Variants in PPFIBP1 observed in about 807,000 individuals in gnomAD.
PPFIBP1 encodes the protein PPFIB scaffold protein 1, also known as liprin-beta-1.
Under a neutral mutation model 137.8 loss-of-function variants are expected in PPFIBP1, and 112 were observed. The ratio of observed to expected loss-of-function variants is 0.81; its 90% CI spans 0.70 to 0.95. The LOEUF is 0.95. Among genes scored for constraint, PPFIBP1 ranks in the 40% least tolerant of loss-of-function variants. The probability of loss-of-function intolerance (pLI) is 0.00; values close to 1 mark genes in which losing one functional copy is unlikely to be tolerated. For synonymous variants in PPFIBP1, 378 were observed against 417.3 expected (o/e 0.91, Z 1.15); for missense variants, 1,083 against 1,196.6 (o/e 0.91, Z 1.40).
intron 1 of PPFIBP1, among the ~76,000 whole-genome samples, chr12:27,531,211 T>C (rs1252395592): frequency 2.0e-5 from 3 of 152,200 alleles, no homozygotes; most frequent in Non-Finnish European, 4.4e-5. Context: ...TTAACCTCTC[T>C]GGGTCTCAGC....
At position 27,634,979 on chromosome 12, in the gene PPFIBP1, G is replaced by T. The variant is rs1287917661; in HGVS notation, c.134G>T (p.Ser45Ile). 1.2e-6 allele frequency: 2 copies of T among 1,614,148 alleles called. No homozygotes were observed. The highest frequency in any genetic ancestry group is 2.2e-5 in the South Asian group (2 of 91,090). The part of the protein sequence containing the change: ...CQSPTSPFMG[S>I]LRALHLVEDL... ...TCTCCCACCTCTCCATTCATGGGAA[G>T]TTTGCGAGCTCTGCACCTTGTGGAA... The change falls in exon 4 of 30, where the codon AGT becomes ATT. Residue 45 changes from serine to isoleucine, a missense_variant. Transcript: ENST00000228425.
intron 1 of PPFIBP1, among the ~76,000 whole-genome samples, chr12:27,528,841 G>T (rs1944079372): frequency 6.6e-6 from 1 of 152,200 alleles, no homozygotes; most frequent in Non-Finnish European, 1.5e-5. Context: ...ACCCACTGGA[G>T]AGTGTCTATT....
chr12:27,537,411 G>A (rs979890679), intron 1 of PPFIBP1, among the ~76,000 whole-genome samples: 18 of 152,148 alleles, frequency 1.2e-4, no homozygotes, highest in Admixed American at 1.1e-3. Flanking sequence ...GATTACAGAC[G>A]TGAGCCACCG....
At chr12:27,653,083 G>T (rs1236700943) in intron 7 of PPFIBP1, among the ~76,000 whole-genome samples, 1 of 27,592 alleles carries the variant, frequency 3.6e-5, no homozygotes, top group Non-Finnish European at 6.9e-5. Flanking sequence ...AAGCCTAAGG[G>T]TTTACTGGGA....
intron 11 of PPFIBP1, among the ~76,000 whole-genome samples, chr12:27,663,777 C>A (rs1054782854): frequency 1.8e-4 from 28 of 151,634 alleles, no homozygotes; most frequent in African/African-American, 6.8e-4. Flanking sequence ...GAGGTTGAGG[C>A]TGCAGTGAGC....
At chr12:27,586,699 GA>G (rs11414615) in intron 2 of PPFIBP1, among the ~76,000 whole-genome samples, 9 of 148,072 alleles carry the variant, frequency 6.1e-5, no homozygotes, top group African/African-American at 1.7e-4. Context: ...TCTGTCTCAA[GA>G]AAAAAAAAAG....
At chr12:27,658,924 T>A in intron 10 of PPFIBP1, 76 bp downstream of exon 10, 2 of 1,423,128 alleles carry the variant, frequency 1.4e-6, no homozygotes, top group Non-Finnish European at 1.9e-6. Context: ...GCATGTGTTT[T>A]AAAACATTTC....
In PPFIBP1 at chr12:27,656,671, G is replaced by A; in HGVS notation, c.752G>A (p.Arg251Lys). 1 of 1,613,048 alleles carries A rather than the reference G, an allele frequency of 6.2e-7. No homozygotes were observed. The highest frequency in any genetic ancestry group is 2.2e-5 in the East Asian group (1 of 44,806). ...QLEEKESEVKRLQEKLVCKMK... is the reference protein window; with the variant it reads ...QLEEKESEVKKLQEKLVCKMK... ...GAAGAAAAGGAATCTGAAGTAAAAAGGCTACAAGAAAAATTGGTTTGCAAG... is the reference window on the plus strand; with the variant it reads ...GAAGAAAAGGAATCTGAAGTAAAAAAGCTACAAGAAAAATTGGTTTGCAAG... The change falls in exon 9 of 30, where the codon AGG becomes AAG. Residue 251 changes from arginine (R) to lysine (K), a missense_variant. By Grantham distance (26) the Arg-to-Lys change is conservative. Coordinates refer to ENST00000228425, the MANE Select transcript of PPFIBP1 (RefSeq NM_003622.4).
chr12:27,657,782 A>G (rs1565954882), intron 9 of PPFIBP1, among the ~76,000 whole-genome samples: 2 of 152,068 alleles, frequency 1.3e-5, no homozygotes, highest in Non-Finnish European at 2.9e-5. Context: ...ACATTCAGAA[A>G]CAGGTCATAC....
chr12:27,660,992 A>C (rs2059509580), intron 11 of PPFIBP1, 47 bp downstream of exon 11: 2 of 1,601,384 alleles, frequency 1.2e-6, no homozygotes, highest in East Asian at 4.5e-5. Flanking sequence ...TTTTAACACC[A>C]TTTTGACCAT....
chr12:27,597,620 G>A lies in PPFIBP1; in HGVS notation c.-36+19381G>A, dbSNP rs1189499944. 5.3e-5 allele frequency among the ~76,000 whole-genome samples: 8 copies of A among 152,118 alleles called. No individual in the cohort carries two copies. In the South Asian group the frequency reaches 8.3e-4, roughly 16 times the overall value. Reference sequence around the variant, plus strand: ...TTCTCCATGCTGCTGGAGTAGAGGCGGAGGAGAAACTATGTTTTGTCATTA... The same window carrying A: ...TTCTCCATGCTGCTGGAGTAGAGGCAGAGGAGAAACTATGTTTTGTCATTA... On this transcript the variant is annotated intron_variant, in intron 2 of 29. Coordinates refer to ENST00000228425, the MANE Select transcript of PPFIBP1 (RefSeq NM_003622.4).
At chr12:27,582,750 A>G (rs2051270105) in intron 2 of PPFIBP1, among the ~76,000 whole-genome samples, 2 of 152,218 alleles carry the variant, frequency 1.3e-5, no homozygotes, top group Non-Finnish European at 2.9e-5. Context: ...GCAGAAGATA[A>G]CATGTGCGAT....
chr12:27,681,405 C>A, intron 21 of PPFIBP1, 141 bp from the exon 22 acceptor site: 2 of 899,420 alleles, frequency 2.2e-6, no homozygotes, highest in Non-Finnish European at 3.4e-6. Context: ...CCAATGTATA[C>A]TAAAAATTAA....
rs751904200 is a variant in PPFIBP1, at chr12:27,646,135, C to A, written c.344C>A (p.Ser115Tyr). Residue 115 changes from serine to tyrosine, a missense_variant, in exon 5 of 30, where the codon TCC becomes TAC. Coordinates refer to ENST00000228425, the MANE Select transcript of PPFIBP1 (RefSeq NM_003622.4). ...GCACGTTTAGAAAATGATAAAGAAT[C>A]CCTCGTTCTTCAGGCAAGTGATTTT... is the stretch of plus-strand genomic sequence containing the variant. The part of the protein sequence containing the change: ...RLARLENDKE[S>Y]LVLQVSVLTD... 1.2e-6 allele frequency: 2 copies of A among 1,606,978 alleles called. No individual in the cohort carries two copies. The highest frequency in any genetic ancestry group is 1.7e-6 in the Non-Finnish European group (2 of 1,173,766).
At chr12:27,636,965 A>G (rs1177412340) in intron 4 of PPFIBP1, 1 of 152,198 alleles carries the variant, frequency 6.6e-6, no homozygotes, top group Non-Finnish European at 1.5e-5. Flanking sequence ...CTTTCGCCAG[A>G]TATTTGCATG....
chr12:27,617,303 T>G (rs989130966), intron 2 of PPFIBP1, among the ~76,000 whole-genome samples: 2 of 152,194 alleles, frequency 1.3e-5, no homozygotes, highest in African/African-American at 4.8e-5. Flanking sequence ...ATAAGGCAGA[T>G]GCTGTACTTA....
At chr12:27,550,915 T>A (rs1946697217) in intron 1 of PPFIBP1, among the ~76,000 whole-genome samples, 1 of 151,552 alleles carries the variant, frequency 6.6e-6, no homozygotes, top group African/African-American at 2.4e-5. Flanking sequence ...TGGTTGGTGT[T>A]TATCACTCAC....
intron 4 of PPFIBP1, among the ~76,000 whole-genome samples, chr12:27,637,840 A>G (rs567819987): frequency 3.3e-5 from 5 of 152,322 alleles, no homozygotes; most frequent in African/African-American, 9.6e-5. Flanking sequence ...ATATACTTAT[A>G]ATTTAGTAAT....
intron 1 of PPFIBP1, among the ~76,000 whole-genome samples, chr12:27,575,760 G>A (rs914689263): frequency 6.6e-6 from 1 of 152,022 alleles, no homozygotes; most frequent in Non-Finnish European, 1.5e-5. Flanking sequence ...TTTTTTTATG[G>A]CTTACTTTTC....
Sources: allele counts gnomAD v4.1 joint callset (sites outside exome capture counted in the v4.1 genomes callset), GRCh38; gene constraint gnomAD v4.1.1; transcripts MANE v1.5; gene names NCBI Gene and HGNC (gene_info 2026-07-23, HGNC 2026-07-21).